The following SLCO6A1 variants were observed in gnomAD, a reference collection of about 807,000 sequenced individuals.
SLCO6A1 encodes the protein solute carrier organic anion transporter family member 6A1.
SLCO6A1 carries 65 observed loss-of-function variants against 72.7 expected under a neutral mutation model. That is an observed-to-expected ratio of 0.89 (90% CI 0.73 to 1.10). The LOEUF is 1.10. Among genes scored for constraint, SLCO6A1 ranks in the 50% least tolerant of loss-of-function variants. SLCO6A1 has a pLI of 0.00. For missense variants in SLCO6A1, 874 were observed against 872.6 expected, an observed-to-expected ratio of 1.00 and a Z score of -0.02; for synonymous variants, 314 against 298.2, an observed-to-expected ratio of 1.05 and a Z score of -0.55.
chr5:102,399,944 CTGTG>C (rs34032591), intron 9 of SLCO6A1, among the ~76,000 whole-genome samples: 26 of 149,788 alleles, frequency 1.7e-4, no homozygotes, highest in Non-Finnish European at 2.7e-4. Flanking sequence ...GGCAAAAAAT[CTGTG>C]TGTGTGTGTG....
chr5:102,454,267 A>G (rs770034244), intron 6 of SLCO6A1, among the ~76,000 whole-genome samples: 36 of 152,190 alleles, frequency 2.4e-4, no homozygotes, highest in Non-Finnish European at 5.1e-4. Context: ...CATGGAGGGT[A>G]GGGAGGAAAG....
intron 7 of SLCO6A1, among the ~76,000 whole-genome samples, chr5:102,429,275 T>A (rs556433883): frequency 3.1e-4 from 47 of 152,336 alleles, no homozygotes; most frequent in Non-Finnish European, 5.1e-4. Context: ...CTGTTGATAG[T>A]TTCTTTTGCT....
chr5:102,461,641 AAT>A (rs1751044642), intron 4 of SLCO6A1, among the ~76,000 whole-genome samples: 1 of 152,152 alleles, frequency 6.6e-6, no homozygotes, highest in South Asian at 2.1e-4. Context: ...GTTTATGATG[AAT>A]ATGTGTTTTT....
intron 6 of SLCO6A1, among the ~76,000 whole-genome samples, chr5:102,441,177 C>T (rs1749813341): frequency 6.6e-6 from 1 of 152,154 alleles, no homozygotes; most frequent in South Asian, 2.1e-4. Flanking sequence ...CATTTTCCCA[C>T]CTCTATACCA....
At chr5:102,417,217 T>C (rs990972763) in intron 8 of SLCO6A1, among the ~76,000 whole-genome samples, 5 of 152,120 alleles carry the variant, frequency 3.3e-5, no homozygotes, top group Admixed American at 1.3e-4. Context: ...TTCTGCTTAA[T>C]ATACTACTAT....
At chr5:102,423,383 C>G (rs184708980) in intron 7 of SLCO6A1, among the ~76,000 whole-genome samples, 1 of 152,204 alleles carries the variant, frequency 6.6e-6, no homozygotes, top group East Asian at 1.9e-4. Context: ...AGACCCATCT[C>G]ATGTGCAAAG....
intron 6 of SLCO6A1, among the ~76,000 whole-genome samples, chr5:102,456,269 G>A (rs1750707789): frequency 6.6e-6 from 1 of 152,144 alleles, no homozygotes; most frequent in African/African-American, 2.4e-5. Flanking sequence ...AATCAGGTAG[G>A]AGAATGAAAT....
intron 8 of SLCO6A1, 86 bp downstream of exon 8, chr5:102,419,740 G>A (rs1332428689): frequency 5.8e-6 from 6 of 1,029,594 alleles, no homozygotes; most frequent in African/African-American, 3.4e-5. Context: ...AACATATAAG[G>A]GTTACTGGAT....
intron 9 of SLCO6A1, among the ~76,000 whole-genome samples, chr5:102,404,751 C>T (rs76147504): frequency 1.3e-5 from 2 of 152,108 alleles, no homozygotes; most frequent in East Asian, 3.9e-4. Context: ...CTAATAGAGG[C>T]ATAAAATATC....
chr5:102,419,938 G>T lies in SLCO6A1; in HGVS notation c.1360C>A (p.Leu454Ile). ...VSTLEMSCKA[L>I]MRFIMVTSVI... ...GATGTAACCATTATAAATCTCATAA[G>T]GGCTTTACAAGACATTTCTAATGTG... Residue 454 changes from leucine to isoleucine, a missense_variant, in exon 8 of 14, where the codon CTT (leucine) becomes ATT (isoleucine). Leu to Ile is a conservative substitution (Grantham distance 5). Coordinates refer to ENST00000506729, the MANE Select transcript of SLCO6A1 (RefSeq NM_173488.5). 2 of 1,608,684 alleles carry T rather than the reference G, an allele frequency of 1.2e-6. No individual in the cohort carries two copies. Among genetic ancestry groups the T allele is most frequent in the Non-Finnish European group, 1.7e-6 (2 of 1,178,358 alleles).
chr5:102,388,141 T>C (rs1248652459), intron 12 of SLCO6A1, among the ~76,000 whole-genome samples: 2 of 152,102 alleles, frequency 1.3e-5, no homozygotes, highest in East Asian at 3.9e-4. Context: ...ACTGTGGAGG[T>C]AGAAAGGGTT....
intron 6 of SLCO6A1, among the ~76,000 whole-genome samples, chr5:102,454,981 T>C (rs1750623534): frequency 7.1e-6 from 1 of 141,246 alleles, no homozygotes; most frequent in Non-Finnish European, 1.5e-5. Flanking sequence ...GTTTTAGGAT[T>C]AAACCAGTAT....
chr5:102,416,364 T>G (rs1454498238), intron 8 of SLCO6A1, among the ~76,000 whole-genome samples: 1 of 151,978 alleles, frequency 6.6e-6, no homozygotes, highest in African/African-American at 2.4e-5. Context: ...TATATACATA[T>G]ATATACACAC....
At chr5:102,451,071 GC>G (rs1750389177) in intron 6 of SLCO6A1, among the ~76,000 whole-genome samples, 1 of 152,160 alleles carries the variant, frequency 6.6e-6, no homozygotes, top group Admixed American at 6.5e-5. Flanking sequence ...GAGAGGCCCT[GC>G]CCAGTGAGGA....
chr5:102,458,314 A>C, intron 6 of SLCO6A1, 68 bp downstream of exon 6: 2 of 1,192,298 alleles, frequency 1.7e-6, no homozygotes, highest in Non-Finnish European at 2.4e-6. Flanking sequence ...GTATTTTCAT[A>C]AGTTCATTAT....
chr5:102,442,018 G>T (rs1242020400), intron 6 of SLCO6A1, among the ~76,000 whole-genome samples: 1 of 151,910 alleles, frequency 6.6e-6, no homozygotes, highest in South Asian at 2.1e-4. Context: ...ATTGAGAACT[G>T]AATATTAAGC....
At chr5:102,428,039 T>G (rs1252219403) in intron 7 of SLCO6A1, among the ~76,000 whole-genome samples, 1 of 151,132 alleles carries the variant, frequency 6.6e-6, no homozygotes, top group Non-Finnish European at 1.5e-5. Flanking sequence ...ACCATACTAA[T>G]TTTTGTATTT....
Position 102,415,246 on chromosome 5 carries a change from C to T in SLCO6A1, c.1473-2103G>A, listed in dbSNP as rs77889167. On this transcript the variant is annotated intron_variant, in intron 8 of 13. Coordinates refer to ENST00000506729, the MANE Select transcript of SLCO6A1 (RefSeq NM_173488.5). ...CAAACAAAACTAGAAGCCCAAATAGCAAATGTAATTCTAAGCAAAAGGAAC... is the reference window on the plus strand; with the variant it reads ...CAAACAAAACTAGAAGCCCAAATAGTAAATGTAATTCTAAGCAAAAGGAAC... Among the ~76,000 whole-genome samples the T allele has an allele frequency of 4.6e-3, 705 of 152,118 alleles. 5 individuals carry two copies. Among genetic ancestry groups the T allele is most frequent in the African/African-American group, 0.016 (677 of 41,514 alleles).
At chr5:102,406,992 C>T (rs1747706518) in intron 9 of SLCO6A1, among the ~76,000 whole-genome samples, 1 of 90,042 alleles carries the variant, frequency 1.1e-5, no homozygotes, top group Non-Finnish European at 2.5e-5. Context: ...CAAAACAACA[C>T]CCAAGAGTCC....
Sources: gnomAD v4.1 joint callset for allele counts (sites outside exome capture counted in the v4.1 genomes callset) on GRCh38, gnomAD v4.1.1 for gene constraint, MANE v1.5 for transcripts, NCBI Gene and HGNC (gene_info 2026-07-23, HGNC 2026-07-21) for gene names.